EIF5B: variants seen among roughly 807,000 people sequenced by gnomAD.
EIF5B encodes eukaryotic translation initiation factor 5B.
In EIF5B, 47 loss-of-function variants were observed where a neutral mutation model predicts 147.5. The observed-to-expected ratio is 0.32, with a 90% CI of 0.25 to 0.41. EIF5B has a LOEUF of 0.41. Ranked by LOEUF, EIF5B falls within the 10% of genes least tolerant of loss-of-function variation. The probability of loss-of-function intolerance (pLI) is 1.00; values close to 1 mark genes in which losing one functional copy is unlikely to be tolerated. For synonymous variants in EIF5B, 455 were observed against 456.2 expected (o/e 1.00, Z 0.03); for missense variants, 1,064 against 1,413.2 (o/e 0.75, Z 3.96).
At chr2:99,355,128 T>C (rs1027725078) in intron 1 of EIF5B, among the ~76,000 whole-genome samples, 1 of 152,134 alleles carries the variant, frequency 6.6e-6, no homozygotes, top group African/African-American at 2.4e-5. Flanking sequence ...TCTGTGGGAC[T>C]GTTTTTGGGT....
At chr2:99,363,894 T>C (rs371427237) in intron 5 of EIF5B, 32 bp downstream of exon 5, 15 of 1,578,534 alleles carry the variant, frequency 9.5e-6, no homozygotes, top group African/African-American at 6.9e-5. Context: ...AACATTGATA[T>C]TGTGTTTAAC....
At chr2:99,368,167 A>C (rs1359426637) in intron 6 of EIF5B, among the ~76,000 whole-genome samples, 1 of 152,238 alleles carries the variant, frequency 6.6e-6, no homozygotes, top group Non-Finnish European at 1.5e-5. Context: ...GTTGGAGAAC[A>C]GATCAGTGGT....
Position 99,394,619 on chromosome 2 carries a change from G to A in EIF5B, c.3089+34G>A, listed in dbSNP as rs370807570. ...TTTCTCTTGCTATGAAGGCTTTCAT[G>A]TTACGTAGCTATCTTAAAACTGTCC... On this transcript the variant is annotated intron_variant, in intron 20 of 23. Transcript: ENST00000289371. The A allele has an allele frequency of 9.3e-6, 15 of 1,613,324 alleles. No homozygotes were observed. The African/African-American group carries it at 2.0e-4, about 22-fold the overall frequency.
At chr2:99,381,467 C>G (rs1484900104) in intron 12 of EIF5B, among the ~76,000 whole-genome samples, 1 of 150,104 alleles carries the variant, frequency 6.7e-6, no homozygotes, top group African/African-American at 2.5e-5. Context: ...TTTGGAAGAT[C>G]ATTTGAAGAT....
intron 6 of EIF5B, among the ~76,000 whole-genome samples, chr2:99,367,638 A>G (rs1302689061): frequency 6.6e-6 from 1 of 152,000 alleles, no homozygotes; most frequent in African/African-American, 2.4e-5. Context: ...TATTTTTAGT[A>G]GAGATGGGGT....
intron 8 of EIF5B, chr2:99,371,182 C>G (rs1270470399): frequency 6.6e-6 from 1 of 152,388 alleles, no homozygotes; most frequent in Non-Finnish European, 1.5e-5. Context: ...TTATAACATG[C>G]TAGCTATATT....
chr2:99,398,852 T>C lies in EIF5B; in HGVS notation c.3498T>C (p.Gly1166=). The C allele has an allele frequency of 1.2e-6, 2 of 1,614,094 alleles. No homozygotes were observed. Among genetic ancestry groups the C allele is most frequent in the Non-Finnish European group, 1.7e-6 (2 of 1,180,018 alleles). Residue 1166 remains glycine (G), a synonymous_variant, in exon 23 of 24, where the codon GGT becomes GGC. Coordinates refer to ENST00000289371, the MANE Select transcript of EIF5B (RefSeq NM_015904.4). ...EVCVKIEPIP[G]ESPKMFGRHF... ...GTGTAAAAATAGAACCTATCCCTGG[T>C]GAGTCACCCAAAATGTTTGGAAGAC...
chr2:99,387,805 T>G (rs1325579599), intron 14 of EIF5B, among the ~76,000 whole-genome samples: 1 of 152,214 alleles, frequency 6.6e-6, no homozygotes, highest in Non-Finnish European at 1.5e-5. Flanking sequence ...TACATTTACT[T>G]AGTCCTCTTT....
At chr2:99,367,772 G>C (rs1320748634) in intron 6 of EIF5B, among the ~76,000 whole-genome samples, 1 of 152,120 alleles carries the variant, frequency 6.6e-6, no homozygotes, top group Admixed American at 6.5e-5. Flanking sequence ...TTCTGCATTA[G>C]TGGTGGGAAT....
chr2:99,346,249 G>T (rs1275904347), intron 1 of EIF5B, among the ~76,000 whole-genome samples: 1 of 152,164 alleles, frequency 6.6e-6, no homozygotes, highest in African/African-American at 2.4e-5. Context: ...TGACCATGAG[G>T]AATATTTGAG....
At position 99,338,795 on chromosome 2, in the gene EIF5B, G is replaced by T. The variant is rs558878118; in HGVS notation, c.35+1206G>T. 7.9e-5 allele frequency among the ~76,000 whole-genome samples: 12 copies of T among 151,722 alleles called. No individual in the cohort carries two copies. In the East Asian group the frequency reaches 2.3e-3, roughly 29 times the overall value. On this transcript the variant is annotated intron_variant, in intron 1 of 23. Coordinates refer to ENST00000289371, the MANE Select transcript of EIF5B (RefSeq NM_015904.4). ...TGATGTATAGGGTACTTTTTTCCTT[G>T]CTAATGTTCAGCTGTCTCTAGAAAA...
chr2:99,382,096 T>C (rs1217749456), intron 12 of EIF5B, 63 bp from the exon 13 acceptor site: 2 of 1,419,846 alleles, frequency 1.4e-6, no homozygotes, highest in Non-Finnish European at 2.0e-6. Context: ...AAAAGGATTG[T>C]TCTGTAAAGA....
At chr2:99,362,898 A>G (rs1674249464) in intron 4 of EIF5B, among the ~76,000 whole-genome samples, 1 of 150,964 alleles carries the variant, frequency 6.6e-6, no homozygotes, top group African/African-American at 2.4e-5. Context: ...AGCTGGGATT[A>G]CAGGAGCCCG....
chr2:99,367,309 A>G (rs1303044515), intron 6 of EIF5B, among the ~76,000 whole-genome samples: 3 of 152,200 alleles, frequency 2.0e-5, no homozygotes, highest in Non-Finnish European at 2.9e-5. Flanking sequence ...AAGAAAACCA[A>G]TAAGTTCATT....
chr2:99,339,328 T>C (rs985994547), intron 1 of EIF5B, among the ~76,000 whole-genome samples: 20 of 152,248 alleles, frequency 1.3e-4, no homozygotes, highest in Non-Finnish European at 2.9e-4. Flanking sequence ...CTACTAGATA[T>C]TTTAAAGCAA....
In EIF5B at chr2:99,368,459, T is replaced by C. The variant is rs1464067341; in HGVS notation, c.1289-34T>C. ...TACTTCTCAGGTGACATGCAAGTAG[T>C]ATAAGCCTGAAGTTTTTCATTTTTA... On this transcript the variant is annotated intron_variant, in intron 6 of 23. Coordinates refer to ENST00000289371, the MANE Select transcript of EIF5B (RefSeq NM_015904.4). 6 of 1,504,684 alleles carry C rather than the reference T, an allele frequency of 4.0e-6. No individual in the cohort carries two copies. In the East Asian group the frequency reaches 1.1e-4, roughly 28 times the overall value. 93.2% of individuals were successfully genotyped at this position (1,504,684 alleles called of 1,614,324 possible).
chr2:99,393,123 C>T (rs746179440), intron 18 of EIF5B, 25 bp downstream of exon 18: 127 of 1,485,806 alleles, frequency 8.5e-5, no homozygotes, highest in Non-Finnish European at 3.4e-5. Context: ...AAATTTTTTT[C>T]CTTAAAAGCT....
Position 99,390,790 on chromosome 2 carries a change from C to T in EIF5B, c.2748+85C>T, listed in dbSNP as rs536267405. 1.0e-5 allele frequency: 15 copies of T among 1,432,796 alleles called. No homozygotes were observed. The African/African-American group carries it at 1.7e-4, about 16-fold the overall frequency. 88.8% of individuals were successfully genotyped at this position (1,432,796 alleles called of 1,614,324 possible). On this transcript the variant is annotated intron_variant, in intron 17 of 23. Coordinates refer to ENST00000289371, the MANE Select transcript of EIF5B (RefSeq NM_015904.4). ...TGAGATGGTTTCCTCACTTTGAAAG[C>T]TGTTTGACTTAATACAGAACACATA...
At position 99,338,939 on chromosome 2, in the gene EIF5B, CAAATATATATACACACATATATAT is replaced by C. The variant is rs1471504779; in HGVS notation, c.35+1362_35+1385del. ...AAGTGTGTGTATATATATATATATA[CAAATATATATACACACATATATAT>C]AAATATATATATATACAAATATATA... is the stretch of plus-strand genomic sequence containing the variant. On this transcript the variant is annotated intron_variant, in intron 1 of 23. Coordinates refer to ENST00000289371, the MANE Select transcript of EIF5B (RefSeq NM_015904.4). Among the ~76,000 whole-genome samples the C allele has an allele frequency of 4.7e-4, 46 of 98,070 alleles. 1 individual carries two copies. The South Asian group carries it at 0.016, about 35-fold the overall frequency. 64.3% of individuals were successfully genotyped at this position (98,070 alleles called of 152,430 possible). A position where few individuals can be genotyped will look rare whatever the true frequency, so the allele number is the denominator to read the frequency against.
Sources: gnomAD v4.1 joint callset for allele counts (sites outside exome capture counted in the v4.1 genomes callset) on GRCh38, gnomAD v4.1.1 for gene constraint, MANE v1.5 for transcripts, NCBI Gene and HGNC (gene_info 2026-07-23, HGNC 2026-07-21) for gene names.